Variants in RRM2 observed in about 807,000 individuals in gnomAD.
RRM2 encodes ribonucleoside-diphosphate reductase subunit M2.
RRM2 carries 6 observed loss-of-function variants against 45.9 expected under a neutral mutation model. The ratio of observed to expected loss-of-function variants is 0.13; its 90% CI spans 0.07 to 0.26. The LOEUF (loss-of-function observed/expected upper bound fraction) is 0.26, where lower values mean the gene tolerates loss of function less well. Among genes scored for constraint, RRM2 ranks in the 10% least tolerant of loss-of-function variants. The probability of loss-of-function intolerance (pLI) is 1.00; values close to 1 mark genes in which losing one functional copy is unlikely to be tolerated. For synonymous variants in RRM2, 177 were observed against 173.0 expected (o/e 1.02, Z -0.18); for missense variants, 343 against 489.5 (o/e 0.70, Z 2.82).
At chr2:10,145,078 A>G (rs7604817) in intron 3 of RRM2, among the ~76,000 whole-genome samples, 113,763 of 151,920 alleles carry the variant, frequency 0.75, 43,894 homozygotes, top group African/African-American at 0.91. Context: ...TGCGGGAGGG[A>G]AAGGAGGGAG....
At chr2:10,209,489 A>G (rs1034871370) in intron 3 of RRM2, among the ~76,000 whole-genome samples, 21 of 152,086 alleles carry the variant, frequency 1.4e-4, no homozygotes, top group African/African-American at 5.1e-4. Flanking sequence ...TTCTTGTGGG[A>G]ATATGCTTCT....
At chr2:10,128,216 T>C (rs939024033) in intron 7 of RRM2, among the ~76,000 whole-genome samples, 4 of 152,200 alleles carry the variant, frequency 2.6e-5, no homozygotes, top group Admixed American at 2.0e-4. Context: ...ATTGCCCCTC[T>C]ACTTCAATAT....
At chr2:10,166,118 A>G (rs925692856) in intron 3 of RRM2, among the ~76,000 whole-genome samples, 6 of 152,218 alleles carry the variant, frequency 3.9e-5, no homozygotes, top group African/African-American at 1.4e-4. Flanking sequence ...GGCAGCGTGG[A>G]GGACACCGTT....
chr2:10,139,423 C>G (rs1663042406), upstream of RRM2, among the ~76,000 whole-genome samples: 1 of 152,202 alleles, frequency 6.6e-6, no homozygotes, highest in African/African-American at 2.4e-5. Flanking sequence ...AGGATCTTTC[C>G]TGGCATTTTA....
rs946540398 is a variant in RRM2, at chr2:10,156,907, G to A, written n.482+14532G>A. Among the ~76,000 whole-genome samples, 13 of 151,882 alleles carry A rather than the reference G, an allele frequency of 8.6e-5. No homozygotes were observed. In the East Asian group the frequency reaches 2.1e-3, roughly 25 times the overall value. On this transcript the variant is annotated intron_variant and non_coding_transcript_variant, in intron 3 of 3. Transcript: ENST00000381786. ...TTCTGCCTCCCCTTGGGCTCCCAAA[G>A]TGATGGGATTATAGGCTTCAGCCAC...
chr2:10,183,204 G>A (rs1475453757), intron 3 of RRM2, among the ~76,000 whole-genome samples: 1 of 152,100 alleles, frequency 6.6e-6, no homozygotes. Context: ...AGGAGGAGAG[G>A]CGTGAGCATT....
intron 3 of RRM2, among the ~76,000 whole-genome samples, chr2:10,182,316 A>C (rs1664076704): frequency 6.6e-6 from 1 of 152,018 alleles, no homozygotes; most frequent in Non-Finnish European, 1.5e-5. Flanking sequence ...CCAGCCTAGC[A>C]GCCTGGACGA....
intron 3 of RRM2, chr2:10,142,465 A>G: frequency 5.5e-6 from 7 of 1,274,512 alleles, no homozygotes; most frequent in Non-Finnish European, 7.4e-6. Context: ...TTCCTAGCTC[A>G]GTGTACAGGG....
rs1462000907 is a variant in RRM2, at chr2:10,129,652, AG to A, written c.*267del. The A allele has an allele frequency of 4.3e-6, 2 of 461,294 alleles. No homozygotes were observed. Among genetic ancestry groups the A allele is most frequent in the African/African-American group, 3.9e-5 (2 of 51,018 alleles). The allele number at this position is 461,294 out of a possible 1,614,324, so 28.6% of individuals were successfully genotyped here. ...GCTTTAAAGTGAGGGGTGACCCTTTAGTGAGCTTAGCACAGCGGGATTAAAC... is the reference window on the plus strand; with the variant it reads ...GCTTTAAAGTGAGGGGTGACCCTTTATGAGCTTAGCACAGCGGGATTAAAC... On this transcript the variant is annotated 3_prime_UTR_variant, in exon 10 of 10. Transcript: ENST00000304567. This position sits in a 1 kb window ranked among gnomAD's most constrained non-coding sequence, Gnocchi z 4.8.
In RRM2 at chr2:10,123,441, C is replaced by A. The variant is rs1662713221; in HGVS notation, c.229C>A (p.Pro77Thr). The A allele has an allele frequency of 6.2e-7, 1 of 1,614,176 alleles. No individual in the cohort carries two copies. Among genetic ancestry groups the A allele is most frequent in the Non-Finnish European group, 8.5e-7 (1 of 1,180,022 alleles). The change falls in exon 3 of 10, where the codon CCC becomes ACC. Residue 77 changes from proline to threonine, a missense_variant. Pro to Thr is a conservative substitution (Grantham distance 38). Coordinates refer to ENST00000304567, the MANE Select transcript of RRM2 (RefSeq NM_001034.4). ...VEDEPLLRENPRRFVIFPIEY... is the reference protein window; with the variant it reads ...VEDEPLLRENTRRFVIFPIEY... Reference sequence around the variant, plus strand: ...GGATGAGCCGCTGCTGAGAGAAAACCCCCGCCGCTTTGTCATCTTCCCCAT... The same window carrying A: ...GGATGAGCCGCTGCTGAGAGAAAACACCCGCCGCTTTGTCATCTTCCCCAT...
chr2:10,163,443 G>A (rs1663611065), intron 3 of RRM2, among the ~76,000 whole-genome samples: 1 of 152,188 alleles, frequency 6.6e-6, no homozygotes, highest in African/African-American at 2.4e-5. Flanking sequence ...GGGAGCAGAG[G>A]CCAGGTCCGA....
intron 3 of RRM2, among the ~76,000 whole-genome samples, chr2:10,173,015 C>T (rs1424050125): frequency 6.6e-6 from 1 of 152,186 alleles, no homozygotes; most frequent in Non-Finnish European, 1.5e-5. Flanking sequence ...TCAACTTTCT[C>T]CCTTCTTCTC....
chr2:10,163,045 G>A (rs1191349840), intron 3 of RRM2, among the ~76,000 whole-genome samples: 1 of 152,162 alleles, frequency 6.6e-6, no homozygotes, highest in Non-Finnish European at 1.5e-5. Flanking sequence ...AGTGAAGCAG[G>A]TAATTATGTG....
intron 3 of RRM2, among the ~76,000 whole-genome samples, chr2:10,192,087 G>T (rs1664318524): frequency 6.6e-6 from 1 of 151,182 alleles, no homozygotes; most frequent in Non-Finnish European, 1.5e-5. Flanking sequence ...GGGTGGGCGG[G>T]GGCTGGAGCT....
intron 3 of RRM2, among the ~76,000 whole-genome samples, chr2:10,147,916 G>A (rs1019059689): frequency 1.3e-5 from 2 of 152,094 alleles, no homozygotes; most frequent in African/African-American, 4.8e-5. Context: ...AGGCTGAGGC[G>A]GGTGGATCAC....
intron 3 of RRM2, among the ~76,000 whole-genome samples, chr2:10,182,409 A>T (rs919679143): frequency 6.6e-6 from 1 of 152,136 alleles, no homozygotes; most frequent in African/African-American, 2.4e-5. Flanking sequence ...CAAAACTATG[A>T]ACTAGGTGGT....
chr2:10,175,222 G>A (rs1354771178), intron 3 of RRM2, among the ~76,000 whole-genome samples: 5 of 152,218 alleles, frequency 3.3e-5, no homozygotes, highest in Admixed American at 6.5e-5. Flanking sequence ...CGCAGGCCCT[G>A]CCTAGCCACA....
rs575302479 is a variant in RRM2, at chr2:10,127,035, G to T, written c.665-52G>T. 1 of 1,610,654 alleles carries T rather than the reference G, an allele frequency of 6.2e-7. No individual in the cohort carries two copies. Among genetic ancestry groups the T allele is most frequent in the Non-Finnish European group, 8.5e-7 (1 of 1,177,436 alleles). On this transcript the variant is annotated intron_variant, in intron 6 of 9. Coordinates refer to ENST00000304567, the MANE Select transcript of RRM2 (RefSeq NM_001034.4). This position sits in a 1 kb window ranked among gnomAD's most constrained non-coding sequence, Gnocchi z 4.1. ...TTCCAAGTAATGTTACTGGATTTTTGGCCCTTGAATACCAACTCACTAGAA... is the reference window on the plus strand; with the variant it reads ...TTCCAAGTAATGTTACTGGATTTTTTGCCCTTGAATACCAACTCACTAGAA...
chr2:10,180,753 TTTTATTTATTTA>T (rs146475647), intron 3 of RRM2, among the ~76,000 whole-genome samples: 1 of 151,418 alleles, frequency 6.6e-6, no homozygotes, highest in Admixed American at 6.6e-5. Flanking sequence ...AACACTTTAT[TTTTATTTATTTA>T]TTTATTTATT....
Sources: gnomAD v4.1 joint callset for allele counts (sites outside exome capture counted in the v4.1 genomes callset) on GRCh38, gnomAD v4.1.1 for gene constraint, Gnocchi (gnomAD v3.1) non-coding constraint, MANE v1.5 for transcripts, NCBI Gene and HGNC (gene_info 2026-07-23, HGNC 2026-07-21) for gene names.